Variants in PDZD2 observed in about 807,000 individuals in gnomAD.
PDZD2 encodes PDZ domain containing 2.
In PDZD2, 90 loss-of-function variants were observed where a neutral mutation model predicts 220.7. The ratio of observed to expected loss-of-function variants is 0.41; its 90% CI spans 0.34 to 0.49. PDZD2 has a LOEUF of 0.49. Among genes scored for constraint, PDZD2 ranks in the 20% least tolerant of loss-of-function variants. The pLI is 0.28. For synonymous variants in PDZD2, 1,375 were observed against 1,450.5 expected (o/e 0.95, Z 1.18); for missense variants, 3,174 against 3,608.5 (o/e 0.88, Z 3.08).
chr5:31,945,255 C>T (rs957000369), intron 2 of PDZD2, among the ~76,000 whole-genome samples: 2 of 152,056 alleles, frequency 1.3e-5, no homozygotes, highest in Admixed American at 6.6e-5. Context: ...CACAGGGTGG[C>T]GCTTATAAAC....
chr5:31,909,458 G>A (rs1742982389), intron 2 of PDZD2, among the ~76,000 whole-genome samples: 3 of 152,110 alleles, frequency 2.0e-5, no homozygotes, highest in Admixed American at 6.6e-5. Flanking sequence ...TGGTTAAGAT[G>A]CTTTTTGATA....
chr5:31,753,925 CT>C (rs1169541779), intron 1 of PDZD2, among the ~76,000 whole-genome samples: 3 of 152,156 alleles, frequency 2.0e-5, no homozygotes, highest in Admixed American at 2.0e-4. Flanking sequence ...TGTTTTTATT[CT>C]CCAGCATTAG....
intron 6 of PDZD2, among the ~76,000 whole-genome samples, chr5:32,016,371 G>C (rs1358207764): frequency 6.6e-6 from 1 of 152,228 alleles, no homozygotes; most frequent in Non-Finnish European, 1.5e-5. Flanking sequence ...ACTCTCTCTT[G>C]TTTCGGGGTT....
chr5:31,735,978 T>C (rs1749836605), intron 1 of PDZD2, among the ~76,000 whole-genome samples: 6 of 151,802 alleles, frequency 4.0e-5, no homozygotes, highest in Admixed American at 2.0e-4. Context: ...AACTCCAAAT[T>C]ATATAGAGCA....
chr5:31,992,421 T>G (rs985420074), intron 3 of PDZD2, among the ~76,000 whole-genome samples: 3 of 131,940 alleles, frequency 2.3e-5, no homozygotes, highest in Non-Finnish European at 4.9e-5. Context: ...GGAAAGTGTC[T>G]TGAACTCTTC....
Position 32,089,555 on chromosome 5 carries a change from T to G in PDZD2, c.6107T>G (p.Val2036Gly). 6.2e-7 allele frequency: 1 copy of G among 1,612,072 alleles called. No homozygotes were observed. Among genetic ancestry groups the G allele is most frequent in the South Asian group, 1.1e-5 (1 of 91,072 alleles). The change falls in exon 20 of 25, where the codon GTG becomes GGG. Residue 2036 changes from valine (V) to glycine (G), a missense_variant. Transcript: ENST00000438447. ...GRAPRADSGP[V>G]SPAASRNGMS... ...GCGCCCCGTGCTGACTCCGGGCCGG[T>G]GAGTCCGGCAGCGTCTAGGAACGGC...
At chr5:31,885,876 T>G (rs888887508) in intron 2 of PDZD2, among the ~76,000 whole-genome samples, 2 of 151,876 alleles carry the variant, frequency 1.3e-5, no homozygotes, top group East Asian at 3.9e-4. Context: ...TCCGTATAGT[T>G]TGTTTTTGGT....
chr5:31,852,153 C>T (rs540700206), intron 2 of PDZD2, among the ~76,000 whole-genome samples: 3 of 152,218 alleles, frequency 2.0e-5, no homozygotes, highest in East Asian at 1.9e-4. Flanking sequence ...CCGTGTCTGC[C>T]GTGTGGTCCC....
chr5:31,849,891 C>T lies in PDZD2; in HGVS notation c.476+50167C>T, dbSNP rs1359596959. Among the ~76,000 whole-genome samples, 36 of 17,032 alleles carry T rather than the reference C, an allele frequency of 2.1e-3. 8 individuals are homozygous for T. The African/African-American group carries it at 0.024, about 11-fold the overall frequency. 11.2% of individuals were successfully genotyped at this position (17,032 alleles called of 152,430 possible). ...ATATACATATATATATATATATACACATATATATATATACATATATATATA... is the reference window on the plus strand; with the variant it reads ...ATATACATATATATATATATATACATATATATATATATACATATATATATA... On this transcript the variant is annotated intron_variant, in intron 2 of 24. Transcript: ENST00000438447.
chr5:31,987,413 C>T lies in PDZD2; in HGVS notation c.978+3757C>T, dbSNP rs116756094. Among the ~76,000 whole-genome samples, 381 of 152,292 alleles carry T rather than the reference C, an allele frequency of 2.5e-3. 1 individual carries two copies. The highest frequency in any genetic ancestry group is 8.9e-3 in the African/African-American group (369 of 41,566). On this transcript the variant is annotated intron_variant, in intron 3 of 24. Coordinates refer to ENST00000438447, the MANE Select transcript of PDZD2 (RefSeq NM_178140.4). ...CTTCCTGGATCTGCATCTGCAGAAA[C>T]GAGTAGAAAACTCAGAAGGAGCATC...
At chr5:32,025,863 G>A (rs149873990) in intron 6 of PDZD2, among the ~76,000 whole-genome samples, 1 of 151,858 alleles carries the variant, frequency 6.6e-6, no homozygotes, top group African/African-American at 2.4e-5. Flanking sequence ...GTCTCCCAGA[G>A]TGCTGGGACT....
chr5:31,890,491 A>G (rs1408563763), intron 2 of PDZD2, among the ~76,000 whole-genome samples: 1 of 152,106 alleles, frequency 6.6e-6, no homozygotes, highest in Non-Finnish European at 1.5e-5. Context: ...AAGAAACCAA[A>G]TGAATGGTTC....
intron 2 of PDZD2, among the ~76,000 whole-genome samples, chr5:31,942,814 G>A (rs1295023981): frequency 1.3e-5 from 2 of 152,170 alleles, no homozygotes; most frequent in Non-Finnish European, 1.5e-5. Context: ...AGGTTGATGT[G>A]CTCAGTTCCA....
chr5:31,705,670 C>A (rs1747790260), intron 1 of PDZD2, among the ~76,000 whole-genome samples: 1 of 152,030 alleles, frequency 6.6e-6, no homozygotes, highest in African/African-American at 2.4e-5. Context: ...CTGAAATAGA[C>A]ACAGGACAAT....
chr5:31,805,001 C>G (rs920145608), intron 2 of PDZD2, among the ~76,000 whole-genome samples: 90 of 152,276 alleles, frequency 5.9e-4, no homozygotes, highest in African/African-American at 2.1e-3. Context: ...TGAGACCAGC[C>G]TGGCCAACAT....
chr5:31,947,830 G>C lies in PDZD2; in HGVS notation c.477-35325G>C, dbSNP rs115065640. 9.8e-4 allele frequency among the ~76,000 whole-genome samples: 149 copies of C among 152,052 alleles called. 1 individual carries two copies. Among genetic ancestry groups the C allele is most frequent in the African/African-American group, 3.5e-3 (147 of 41,478 alleles). On this transcript the variant is annotated intron_variant, in intron 2 of 24. Transcript: ENST00000438447. ...TGACCTGGTCTATGCGTCTGTTGGT[G>C]GGGGGTGGTGGATGGGGACAGTGAG...
chr5:32,054,009 C>A, intron 10 of PDZD2, 126 bp downstream of exon 10: 2 of 623,822 alleles, frequency 3.2e-6, no homozygotes, highest in South Asian at 1.9e-5. Flanking sequence ...CTGGCATAGT[C>A]AGTGTAACCT....
At position 32,037,290 on chromosome 5, in the gene PDZD2, G is replaced by A; in HGVS notation, c.1467G>A (p.Leu489=). 3.1e-6 allele frequency: 5 copies of A among 1,613,878 alleles called. No homozygotes were observed. The highest frequency in any genetic ancestry group is 4.2e-6 in the Non-Finnish European group (5 of 1,179,770). The change falls in exon 7 of 25, where the codon TTG becomes TTA. Residue 489 remains leucine (L), a synonymous_variant. Coordinates refer to ENST00000438447, the MANE Select transcript of PDZD2 (RefSeq NM_178140.4). ...VCGAEESKGN[L]ESPKQGSNKI... Reference sequence around the variant, plus strand: ...GTGCTGAGGAATCCAAGGGGAACTTGGAAAGTCCCAAACAGGGCAGCAATA... The same window carrying A: ...GTGCTGAGGAATCCAAGGGGAACTTAGAAAGTCCCAAACAGGGCAGCAATA...
chr5:31,900,382 A>G (rs890777351), intron 2 of PDZD2, among the ~76,000 whole-genome samples: 1 of 152,188 alleles, frequency 6.6e-6, no homozygotes, highest in African/African-American at 2.4e-5. Context: ...CCAAATTGTG[A>G]AGAGCTCACT....
Sources: allele counts gnomAD v4.1 joint callset (sites outside exome capture counted in the v4.1 genomes callset), GRCh38; gene constraint gnomAD v4.1.1; transcripts MANE v1.5; gene names NCBI Gene and HGNC (gene_info 2026-07-23, HGNC 2026-07-21).